Variants in LATS1 observed in about 807,000 individuals in gnomAD.
LATS1 encodes the protein serine/threonine-protein kinase LATS1.
Under a neutral mutation model 106.6 loss-of-function variants are expected in LATS1, and 25 were observed. That is an observed-to-expected ratio of 0.23 (90% confidence interval 0.17 to 0.33). LATS1 has a LOEUF of 0.33. Ranked by LOEUF, LATS1 falls within the 10% of genes least tolerant of loss-of-function variation. The pLI is 1.00. For missense variants in LATS1, 1,040 were observed against 1,382.6 expected (o/e 0.75, Z 3.93); for synonymous variants, 465 against 455.6 (o/e 1.02, Z -0.26).
rs2114792744 is a variant in LATS1 at position 149,680,215 on chromosome 6, C to T, written c.2253G>A (p.Lys751=). Residue 751 remains lysine (K), a synonymous_variant, in exon 5 of 8, where the codon AAG becomes AAA. Coordinates refer to ENST00000543571, the MANE Select transcript of LATS1 (RefSeq NM_004690.4). ...CTTCAGCCAGGATATCTCTCTCAGC[C>T]TTAACATGAGCGACTTGATTTCGAA... is the stretch of plus-strand genomic sequence containing the variant. ...VLLRNQVAHV[K]AERDILAEAD... 1.2e-6 allele frequency: 2 copies of T among 1,614,078 alleles called. No homozygotes were observed. The highest frequency in any genetic ancestry group is 1.7e-6 in the Non-Finnish European group (2 of 1,179,970).
chr6:149,699,198 ACT>A (rs2114937634), intron 2 of LATS1, among the ~76,000 whole-genome samples: 1 of 152,316 alleles, frequency 6.6e-6, no homozygotes, highest in Admixed American at 6.5e-5. Flanking sequence ...AACAAGATAA[ACT>A]CTACAATATA....
chr6:149,697,028 A>G, intron 2 of LATS1: 2 of 629,568 alleles, frequency 3.2e-6, no homozygotes, highest in Non-Finnish European at 5.2e-6. Flanking sequence ...ATAAACATAA[A>G]TCACTCACTA....
chr6:149,717,153 TATGA>T (rs1455715476), intron 1 of LATS1, among the ~76,000 whole-genome samples: 2 of 152,220 alleles, frequency 1.3e-5, no homozygotes, highest in Non-Finnish European at 2.9e-5. Flanking sequence ...CGTATTAACA[TATGA>T]GTTGACAAAC....
At chr6:149,673,440 C>G (rs1781549900) in intron 7 of LATS1, among the ~76,000 whole-genome samples, 1 of 151,742 alleles carries the variant, frequency 6.6e-6, no homozygotes, top group South Asian at 2.1e-4. Context: ...GGCTAAGATT[C>G]CAGAACATAG....
intron 2 of LATS1, among the ~76,000 whole-genome samples, chr6:149,696,238 T>A (rs546937470): frequency 5.0e-4 from 75 of 149,350 alleles, no homozygotes; most frequent in African/African-American, 1.3e-3. Context: ...TCAGAGACTA[T>A]CAGATTGTTA....
At chr6:149,701,686 C>T (rs139645093) in intron 2 of LATS1, 93 bp downstream of exon 2, 1 of 863,412 alleles carries the variant, frequency 1.2e-6, no homozygotes, top group African/African-American at 1.7e-5. Context: ...GTTAAATTCT[C>T]CCAAAGGAAA....
At chr6:149,682,077 A>C (rs987801301) in intron 4 of LATS1, among the ~76,000 whole-genome samples, 1 of 149,500 alleles carries the variant, frequency 6.7e-6, no homozygotes, top group Non-Finnish European at 1.5e-5. Context: ...GCGCCACTGC[A>C]CTCCAGCCTG....
At chr6:149,692,325 T>G (rs1415577802) in intron 3 of LATS1, among the ~76,000 whole-genome samples, 1 of 152,138 alleles carries the variant, frequency 6.6e-6, no homozygotes, top group Non-Finnish European at 1.5e-5. Flanking sequence ...AAAGGGACAC[T>G]CACTAAACCC....
intron 7 of LATS1, among the ~76,000 whole-genome samples, chr6:149,670,034 T>C (rs1170284004): frequency 6.7e-6 from 1 of 149,658 alleles, no homozygotes; most frequent in Non-Finnish European, 1.5e-5. Context: ...TAGCCAGGTG[T>C]TGGGGAGGGC....
At chr6:149,692,562 A>C (rs553720640) in intron 3 of LATS1, among the ~76,000 whole-genome samples, 2 of 152,340 alleles carry the variant, frequency 1.3e-5, no homozygotes, top group Admixed American at 1.3e-4. Context: ...CAAAAGGGCA[A>C]GAACTTACCC....
chr6:149,695,889 A>G (rs1783034572), intron 2 of LATS1, among the ~76,000 whole-genome samples: 1 of 151,516 alleles, frequency 6.6e-6, no homozygotes, highest in Middle Eastern at 3.2e-3. Flanking sequence ...CATGATTCTG[A>G]TTACTTCTAA....
At position 149,707,015 on chromosome 6, in the gene LATS1, T is replaced by TC. The variant is rs1381600679; in HGVS notation, c.-140-4750_-140-4749insG. On this transcript the variant is annotated intron_variant, in intron 1 of 7. Coordinates refer to ENST00000543571, the MANE Select transcript of LATS1 (RefSeq NM_004690.4). ...AATACACAAAACTGGACATCTCTTT[T>TC]TTTTTTTTTTTTTTTTTGAAGATGG... is the stretch of plus-strand genomic sequence containing the variant. Among the ~76,000 whole-genome samples the TC allele has an allele frequency of 2.6e-3, 378 of 144,730 alleles. 2 individuals are homozygous for TC. The highest frequency in any genetic ancestry group is 8.0e-3 in the African/African-American group (311 of 38,700). 94.9% of individuals were successfully genotyped at this position (144,730 alleles called of 152,430 possible).
At chr6:149,704,674 T>C (rs1383587501) in intron 1 of LATS1, among the ~76,000 whole-genome samples, 1 of 151,336 alleles carries the variant, frequency 6.6e-6, no homozygotes, top group African/African-American at 2.4e-5. Context: ...TAAAACAAAG[T>C]CTCCCTATGT....
In LATS1 at chr6:149,680,443, T is replaced by C. The variant is rs112659070; in HGVS notation, c.2025A>G (p.Gln675=). The C allele has an allele frequency of 7.5e-6, 12 of 1,606,870 alleles. No individual in the cohort carries two copies. The highest frequency in any genetic ancestry group is 1.7e-4 in the Middle Eastern group (1 of 6,024). The change falls in exon 5 of 8, where the codon CAA becomes CAG. Residue 675 remains glutamine, a synonymous_variant. Coordinates refer to ENST00000543571, the MANE Select transcript of LATS1 (RefSeq NM_004690.4). The part of the protein sequence containing the change: ...ENEMMRVGLS[Q]DAQDQMRKML... ...TCTTTCTCATTTGATCCTGGGCATC[T>C]TGAGATAATCCAACCTAGGCAAATA...
intron 3 of LATS1, among the ~76,000 whole-genome samples, chr6:149,686,727 C>T (rs1330690844): frequency 1.3e-5 from 2 of 152,168 alleles, no homozygotes; most frequent in Non-Finnish European, 2.9e-5. Flanking sequence ...ATGTGGGAGG[C>T]CACACTAATT....
chr6:149,669,727 C>T (rs557136075), intron 7 of LATS1, among the ~76,000 whole-genome samples: 60 of 151,814 alleles, frequency 4.0e-4, no homozygotes, highest in Admixed American at 8.5e-4. Flanking sequence ...ACCCTGCACT[C>T]CAGCGTGGGC....
intron 1 of LATS1, among the ~76,000 whole-genome samples, chr6:149,704,280 G>A: frequency 6.6e-6 from 1 of 152,156 alleles, no homozygotes; most frequent in East Asian, 1.9e-4. Flanking sequence ...TGGGATTACA[G>A]GCGTGAGCCA....
intron 1 of LATS1, among the ~76,000 whole-genome samples, chr6:149,711,036 G>T (rs188130114): frequency 1.3e-5 from 2 of 152,234 alleles, no homozygotes; most frequent in African/African-American, 4.8e-5. Flanking sequence ...TGCTTCTGTG[G>T]TTAAGACCAT....
intron 4 of LATS1, among the ~76,000 whole-genome samples, chr6:149,681,179 C>A (rs1442098644): frequency 2.0e-5 from 3 of 151,832 alleles, no homozygotes; most frequent in African/African-American, 4.8e-5. Context: ...ATGAAAATAT[C>A]AAAAAATAGA....
Sources: gnomAD v4.1 joint callset for allele counts (sites outside exome capture counted in the v4.1 genomes callset) on GRCh38, gnomAD v4.1.1 for gene constraint, MANE v1.5 for transcripts, NCBI Gene and HGNC (gene_info 2026-07-23, HGNC 2026-07-21) for gene names.